The following EXOC6B variants were observed in gnomAD, a reference collection of about 807,000 sequenced individuals.
The protein encoded by EXOC6B is exocyst complex component 6B, also known as SEC15 homolog B.
Under a neutral mutation model 113.5 loss-of-function variants are expected in EXOC6B, and 54 were observed. The observed-to-expected ratio is 0.48, with a 90% CI of 0.38 to 0.60. The LOEUF (loss-of-function observed/expected upper bound fraction) is 0.60, where lower values mean the gene tolerates loss of function less well. EXOC6B is among the 20% of genes least tolerant of loss of function. The pLI is 0.00. For missense variants in EXOC6B, 797 were observed against 977.5 expected (o/e 0.82, Z 2.46); for synonymous variants, 357 against 339.0 (o/e 1.05, Z -0.58).
intron 5 of EXOC6B, among the ~76,000 whole-genome samples, chr2:72,726,791 A>T (rs1680324481): frequency 6.6e-6 from 1 of 152,182 alleles, no homozygotes; most frequent in Admixed American, 6.6e-5. Context: ...TAAAGATAGA[A>T]GGAACCAGGA....
chr2:72,502,106 A>G lies in EXOC6B; in HGVS notation c.1168-2134T>C, dbSNP rs117299482. On this transcript the variant is annotated intron_variant, in intron 11 of 21. Transcript: ENST00000272427. ...TGATGTCTCTCCTTTTGTAGGAATT[A>G]ATAGCATTAATTACAAATAATAATA... is the stretch of plus-strand genomic sequence containing the variant. 2.6e-5 allele frequency among the ~76,000 whole-genome samples: 4 copies of G among 152,346 alleles called. No individual in the cohort carries two copies. In the East Asian group the frequency reaches 7.7e-4, roughly 29 times the overall value.
chr2:72,680,076 G>GA lies in EXOC6B; in HGVS notation c.669+38026dup, dbSNP rs148726510. Among the ~76,000 whole-genome samples, 689 of 152,180 alleles carry GA rather than the reference G, an allele frequency of 4.5e-3. 11 individuals carry two copies. Among genetic ancestry groups the GA allele is most frequent in the African/African-American group, 0.016 (645 of 41,520 alleles). On this transcript the variant is annotated intron_variant, in intron 6 of 21. Coordinates refer to ENST00000272427, the MANE Select transcript of EXOC6B (RefSeq NM_015189.3). ...TATAATGAATTCTAAAGTTGTTTAG[G>GA]AAAATATATATGGATAATAAAAGGA...
chr2:72,485,564 T>G (rs1184896762), intron 16 of EXOC6B, among the ~76,000 whole-genome samples: 2 of 152,242 alleles, frequency 1.3e-5, no homozygotes, highest in Admixed American at 6.5e-5. Context: ...ACCACTCATT[T>G]TATACCATCT....
chr2:72,472,334 T>A lies in EXOC6B; in HGVS notation c.1801-6995A>T, dbSNP rs1410726114. ...GGAATTTGGTGGTGAATCCACCTGGTTCTGGGCTTTTCTTTGTTCAGATAC... is the reference window on the plus strand; with the variant it reads ...GGAATTTGGTGGTGAATCCACCTGGATCTGGGCTTTTCTTTGTTCAGATAC... On this transcript the variant is annotated intron_variant, in intron 17 of 21. Coordinates refer to ENST00000272427, the MANE Select transcript of EXOC6B (RefSeq NM_015189.3). 3.9e-5 allele frequency among the ~76,000 whole-genome samples: 6 copies of A among 152,170 alleles called. No individual in the cohort carries two copies. In the South Asian group the frequency reaches 1.2e-3, roughly 32 times the overall value.
chr2:72,641,681 T>G lies in EXOC6B; in HGVS notation c.670-66013A>C, dbSNP rs1350603734. 4.6e-5 allele frequency among the ~76,000 whole-genome samples: 7 copies of G among 152,170 alleles called. No individual in the cohort carries two copies. The East Asian group carries it at 9.6e-4, about 21-fold the overall frequency. On this transcript the variant is annotated intron_variant, in intron 6 of 21. Coordinates refer to ENST00000272427, the MANE Select transcript of EXOC6B (RefSeq NM_015189.3). ...GCAGAAACTTCTGCAGACTTAAACGTCCCTCTCTGACAGCTCTAAAGAGAG... is the reference window on the plus strand; with the variant it reads ...GCAGAAACTTCTGCAGACTTAAACGGCCCTCTCTGACAGCTCTAAAGAGAG...
chr2:72,767,810 A>AAAAAAAAAAAAAAAAAAC (rs1683166080), intron 1 of EXOC6B, among the ~76,000 whole-genome samples: 1 of 109,206 alleles, frequency 9.2e-6, no homozygotes, highest in Non-Finnish European at 1.9e-5. Context: ...GACCTTGTTA[A>AAAAAAAAAAAAAAAAAAC]AAAAAAAAAA....
intron 6 of EXOC6B, among the ~76,000 whole-genome samples, chr2:72,712,767 T>C (rs1159229895): frequency 6.6e-6 from 1 of 152,212 alleles, no homozygotes; most frequent in Non-Finnish European, 1.5e-5. Flanking sequence ...TTTTATTGGA[T>C]GTACATACAA....
At chr2:72,611,734 A>G (rs1325976870) in intron 6 of EXOC6B, among the ~76,000 whole-genome samples, 1 of 152,204 alleles carries the variant, frequency 6.6e-6, no homozygotes, top group Non-Finnish European at 1.5e-5. Flanking sequence ...GTCTAGCTAA[A>G]TGTTTAACAG....
chr2:72,590,564 G>T (rs899762958), intron 6 of EXOC6B, among the ~76,000 whole-genome samples: 6 of 151,942 alleles, frequency 3.9e-5, no homozygotes, highest in African/African-American at 1.4e-4. Flanking sequence ...AGATTCAAAA[G>T]CTTAAAATTA....
intron 6 of EXOC6B, among the ~76,000 whole-genome samples, chr2:72,701,940 C>CT (rs1678378942): frequency 1.3e-5 from 2 of 150,086 alleles, no homozygotes; most frequent in Non-Finnish European, 3.0e-5. Flanking sequence ...TTTAATTATA[C>CT]TTTAAGTTTT....
At chr2:72,596,839 A>C (rs891226014) in intron 6 of EXOC6B, among the ~76,000 whole-genome samples, 3 of 151,716 alleles carry the variant, frequency 2.0e-5, no homozygotes, top group Non-Finnish European at 4.4e-5. Flanking sequence ...CACAAGAGGA[A>C]ATTGAAGGCT....
intron 1 of EXOC6B, among the ~76,000 whole-genome samples, chr2:72,815,310 C>A (rs1368828103): frequency 1.3e-5 from 2 of 151,798 alleles, no homozygotes; most frequent in East Asian, 2.0e-4. Flanking sequence ...GACAACAGGG[C>A]GAAACCCCGT....
At chr2:72,823,045 G>T (rs1421506059) in intron 1 of EXOC6B, among the ~76,000 whole-genome samples, 1 of 151,474 alleles carries the variant, frequency 6.6e-6, no homozygotes, top group Non-Finnish European at 1.5e-5. Context: ...ATGAATATGG[G>T]TAGGGACAGC....
At chr2:72,412,753 T>C (rs1694259261) in intron 18 of EXOC6B, among the ~76,000 whole-genome samples, 1 of 152,200 alleles carries the variant, frequency 6.6e-6, no homozygotes, top group South Asian at 2.1e-4. Context: ...ATTTAGTTCT[T>C]AGTTATTTCT....
intron 6 of EXOC6B, among the ~76,000 whole-genome samples, chr2:72,675,968 T>A (rs567117079): frequency 1.3e-5 from 2 of 151,596 alleles, no homozygotes; most frequent in South Asian, 4.2e-4. Flanking sequence ...GTAGTAGAAA[T>A]TTTTTTTTAA....
intron 19 of EXOC6B, among the ~76,000 whole-genome samples, chr2:72,378,242 G>A (rs1691473473): frequency 6.6e-6 from 1 of 152,178 alleles, no homozygotes; most frequent in Admixed American, 6.5e-5. Flanking sequence ...CTCCAGTGCT[G>A]ATTAATAGAA....
intron 20 of EXOC6B, among the ~76,000 whole-genome samples, chr2:72,287,430 C>CA (rs60011551): frequency 1.2e-3 from 124 of 105,324 alleles, no homozygotes; most frequent in Middle Eastern, 6.2e-3. Context: ...GACTTCATCT[C>CA]AAAAAAAAAA....
intron 19 of EXOC6B, among the ~76,000 whole-genome samples, chr2:72,337,521 A>G (rs1688760392): frequency 6.6e-6 from 1 of 152,164 alleles, no homozygotes; most frequent in South Asian, 2.1e-4. Flanking sequence ...GGGCTAATAG[A>G]TTAAGCTGAT....
intron 8 of EXOC6B, among the ~76,000 whole-genome samples, chr2:72,524,166 A>AG (rs1558761368): frequency 6.6e-6 from 1 of 152,020 alleles, no homozygotes; most frequent in Non-Finnish European, 1.5e-5. Flanking sequence ...AAAAAAAAAA[A>AG]AAAAACTGAA....
Sources: gnomAD v4.1 joint callset for allele counts (sites outside exome capture counted in the v4.1 genomes callset) on GRCh38, gnomAD v4.1.1 for gene constraint, MANE v1.5 for transcripts, NCBI Gene and HGNC (gene_info 2026-07-23, HGNC 2026-07-21) for gene names.